The following VAC14 variants were observed in gnomAD, a reference collection of about 807,000 sequenced individuals.
The protein encoded by VAC14 is VAC14 component of PIKFYVE complex.
VAC14 carries 47 observed loss-of-function variants against 85.3 expected under a neutral mutation model. The observed-to-expected ratio is 0.55, with a 90% CI of 0.44 to 0.70. The LOEUF is 0.70. Ranked by LOEUF, VAC14 falls within the 30% of genes least tolerant of loss-of-function variation. The pLI is 0.00. For synonymous variants in VAC14, 447 were observed against 430.5 expected (o/e 1.04, Z -0.47); for missense variants, 861 against 1,004.3 (o/e 0.86, Z 1.93).
At chr16:70,759,682 C>T (rs1203370473) in intron 12 of VAC14, among the ~76,000 whole-genome samples, 6 of 152,068 alleles carry the variant, frequency 3.9e-5, no homozygotes, top group African/African-American at 1.2e-4. Flanking sequence ...AACACATACA[C>T]CTCTCCATAC....
At chr16:70,783,629 G>T in intron 5 of VAC14, 75 bp from the exon 6 acceptor site, 2 of 1,469,652 alleles carry the variant, frequency 1.4e-6, no homozygotes, top group Non-Finnish European at 1.9e-6. Context: ...CTCTGGGACT[G>T]GGCTGTAGGA....
In VAC14 at chr16:70,689,448, C is replaced by T. The variant is rs375583241; in HGVS notation, c.2187-1358G>A. On this transcript the variant is annotated intron_variant, in intron 18 of 18. Coordinates refer to ENST00000261776, the MANE Select transcript of VAC14 (RefSeq NM_018052.5). ...AGTTCAGTCCAGCAGGAAGAGTCAA[C>T]GGCCAGAGCCTGACAGTTGCTTCAG... The T allele has an allele frequency of 4.3e-5, 42 of 983,122 alleles. 1 individual carries two copies. The highest frequency in any genetic ancestry group is 4.2e-4 in the South Asian group (9 of 21,208). 60.9% of individuals were successfully genotyped at this position (983,122 alleles called of 1,614,324 possible).
chr16:70,801,079 G>T lies in VAC14; in HGVS notation c.-179C>A, dbSNP rs183161287. ...GAACCCGGGCCCGGACCCCGCTCCA[G>T]CACACCTGACCCTGGCCGCTTAACA... is the stretch of plus-strand genomic sequence containing the variant. On this transcript the variant is annotated 5_prime_UTR_variant, in exon 1 of 19. It adds an upstream start codon to the 5' untranslated region. Transcript: ENST00000261776. 1.3e-5 allele frequency: 6 copies of T among 475,900 alleles called. No individual in the cohort carries two copies. Among genetic ancestry groups the T allele is most frequent in the Non-Finnish European group, 2.2e-5 (6 of 273,166 alleles). 29.5% of individuals were successfully genotyped at this position (475,900 alleles called of 1,614,324 possible). A position where few individuals can be genotyped will look rare whatever the true frequency, so the allele number is the denominator to read the frequency against.
At chr16:70,688,135 C>G in intron 18 of VAC14, 45 bp from the exon 19 acceptor site, 1 of 1,470,428 alleles carries the variant, frequency 6.8e-7, no homozygotes, top group Non-Finnish European at 9.1e-7. Flanking sequence ...GATCAGCTCA[C>G]AGGGGGGTTA....
intron 14 of VAC14, among the ~76,000 whole-genome samples, chr16:70,726,520 CCACCA>C (rs1185080997): frequency 6.6e-6 from 1 of 152,226 alleles, no homozygotes; most frequent in African/African-American, 2.4e-5. Context: ...TTATATAACC[CCACCA>C]CACTATGACA....
At chr16:70,719,794 A>C (rs1454769950) in intron 14 of VAC14, among the ~76,000 whole-genome samples, 1 of 152,196 alleles carries the variant, frequency 6.6e-6, no homozygotes, top group Non-Finnish European at 1.5e-5. Context: ...TGGCACAAGC[A>C]CTTTGGACAG....
Position 70,762,774 on chromosome 16 carries a change from G to T in VAC14, c.1305+107C>A, listed in dbSNP as rs2032504891. On this transcript the variant is annotated intron_variant, in intron 11 of 18. Coordinates refer to ENST00000261776, the MANE Select transcript of VAC14 (RefSeq NM_018052.5). This position sits in a 1 kb window ranked among gnomAD's most constrained non-coding sequence, Gnocchi z 4.1. Reference sequence around the variant, plus strand: ...ACCTGTCACTTCTCTGCCGGCCAGGGTTTCCCTAGAAGGGCAATGACCAAA... The same window carrying T: ...ACCTGTCACTTCTCTGCCGGCCAGGTTTTCCCTAGAAGGGCAATGACCAAA... The T allele has an allele frequency of 6.4e-7, 1 of 1,562,446 alleles. No individual in the cohort carries two copies. Among genetic ancestry groups the T allele is most frequent in the Non-Finnish European group, 8.7e-7 (1 of 1,146,174 alleles).
intron 14 of VAC14, among the ~76,000 whole-genome samples, chr16:70,730,630 C>T (rs1330003903): frequency 7.4e-6 from 1 of 134,824 alleles, no homozygotes; most frequent in Non-Finnish European, 1.5e-5. Flanking sequence ...CAGAGTCTTG[C>T]TCTTTCGCCC....
chr16:70,690,223 TG>T (rs2142981555), intron 18 of VAC14: 2 of 985,466 alleles, frequency 2.0e-6, no homozygotes, highest in South Asian at 9.4e-5. Flanking sequence ...AGACCCTTCC[TG>T]GCCTGAGATC....
chr16:70,740,206 C>A (rs747127052), intron 13 of VAC14, among the ~76,000 whole-genome samples: 1 of 152,232 alleles, frequency 6.6e-6, no homozygotes, highest in Non-Finnish European at 1.5e-5. Context: ...GGTGATCCAT[C>A]TGCCTCAGCC....
intron 18 of VAC14, chr16:70,690,346 G>C (rs989963618): frequency 1.0e-6 from 1 of 985,502 alleles, no homozygotes; most frequent in African/African-American, 1.7e-5. Context: ...GCTGCTCTCA[G>C]GCCCTGCACA....
intron 12 of VAC14, among the ~76,000 whole-genome samples, chr16:70,751,688 G>T (rs947928174): frequency 6.6e-6 from 1 of 152,206 alleles, no homozygotes; most frequent in African/African-American, 2.4e-5. Context: ...CTAGGAAGCC[G>T]GGCTGCTGTA....
At chr16:70,691,592 G>A in intron 18 of VAC14, 1 of 985,486 alleles carries the variant, frequency 1.0e-6, no homozygotes, top group East Asian at 1.1e-4. Flanking sequence ...GGACCACCTG[G>A]CAGCACCCTG....
At position 70,800,991 on chromosome 16, in the gene VAC14, C is replaced by G; in HGVS notation, c.-91G>C. 2 of 857,824 alleles carry G rather than the reference C, an allele frequency of 2.3e-6. No homozygotes were observed. Among genetic ancestry groups the G allele is most frequent in the South Asian group, 4.2e-5 (2 of 48,032 alleles). 53.1% of individuals were successfully genotyped at this position (857,824 alleles called of 1,614,324 possible). A position where few individuals can be genotyped will look rare whatever the true frequency, so the allele number is the denominator to read the frequency against. On this transcript the variant is annotated 5_prime_UTR_variant, in exon 1 of 19. Coordinates refer to ENST00000261776, the MANE Select transcript of VAC14 (RefSeq NM_018052.5). ...GGAGTCTGCGGCTCCGCTCTGCCCC[C>G]GGCGCCGGCGCATGGACCACGCCGC...
Position 70,765,337 on chromosome 16 carries a change from C to T in VAC14, c.1161-2312G>A, listed in dbSNP as rs545977131. 2.5e-4 allele frequency among the ~76,000 whole-genome samples: 38 copies of T among 152,286 alleles called. No individual in the cohort carries two copies. The South Asian group carries it at 6.6e-3, about 27-fold the overall frequency. ...CTGCTGGTGAGGAGGAGGGCGGTGC[C>T]GTGACCAGGTCCCCTACTCCACTGG... On this transcript the variant is annotated intron_variant, in intron 10 of 18. Transcript: ENST00000261776.
chr16:70,743,764 C>A (rs922106058), intron 13 of VAC14, among the ~76,000 whole-genome samples: 4 of 152,132 alleles, frequency 2.6e-5, no homozygotes, highest in African/African-American at 7.2e-5. Flanking sequence ...TGGACAGAGA[C>A]CCCCATGGAG....
intron 12 of VAC14, chr16:70,761,124 G>A (rs1567577987): frequency 6.6e-6 from 3 of 453,002 alleles, no homozygotes; most frequent in Non-Finnish European, 1.3e-5. Flanking sequence ...CCTAGAGGTT[G>A]ATACCTGCCT....
intron 9 of VAC14, among the ~76,000 whole-genome samples, chr16:70,775,573 A>C (rs2033477036): frequency 1.3e-5 from 2 of 152,222 alleles, no homozygotes; most frequent in East Asian, 3.8e-4. Flanking sequence ...CAGAGGGGAC[A>C]GGGGCAGCTG....
At chr16:70,689,329 G>A (rs957746487) in intron 18 of VAC14, 1 of 985,354 alleles carries the variant, frequency 1.0e-6, no homozygotes, top group Non-Finnish European at 1.2e-6. Context: ...CCAACGTGAG[G>A]CCAGCCGGGG....
Sources: gnomAD v4.1 joint callset for allele counts (sites outside exome capture counted in the v4.1 genomes callset) on GRCh38, gnomAD v4.1.1 for gene constraint, Gnocchi (gnomAD v3.1) non-coding constraint, MANE v1.5 for transcripts, NCBI Gene and HGNC (gene_info 2026-07-23, HGNC 2026-07-21) for gene names.